Variants in RUSC2 observed in about 807,000 individuals in gnomAD.
RUSC2 encodes the protein AP-4 complex accessory subunit RUSC2.
Under a neutral mutation model 122.2 loss-of-function variants are expected in RUSC2, and 34 were observed. The ratio of observed to expected loss-of-function variants is 0.28; its 90% CI spans 0.21 to 0.37. The LOEUF (loss-of-function observed/expected upper bound fraction) is 0.37. Among genes scored for constraint, RUSC2 ranks in the 10% least tolerant of loss-of-function variants. The pLI is 1.00. For synonymous variants in RUSC2, 784 were observed against 790.0 expected (o/e 0.99, Z 0.13); for missense variants, 1,747 against 1,952.4 (o/e 0.89, Z 1.98).
At chr9:35,549,032 CA>C (rs1235517106) in intron 2 of RUSC2, 31,137 of 598,730 alleles carry the variant, frequency 0.052, no homozygotes, top group Non-Finnish European at 0.059. Flanking sequence ...GATTCTGTCT[CA>C]AAAAAAAAAA....
At chr9:35,540,693 C>CT (rs971844282) in intron 1 of RUSC2, among the ~76,000 whole-genome samples, 2 of 152,174 alleles carry the variant, frequency 1.3e-5, no homozygotes, top group Admixed American at 6.5e-5. Flanking sequence ...GGCCGGTAGA[C>CT]ATAACCTGTG....
At chr9:35,506,889 G>A (rs1451616695) in intron 1 of RUSC2, among the ~76,000 whole-genome samples, 1 of 152,148 alleles carries the variant, frequency 6.6e-6, no homozygotes, top group Non-Finnish European at 1.5e-5. Flanking sequence ...CCCAAGGCAG[G>A]AGGATCATTT....
chr9:35,524,827 C>T (rs1037312940), intron 1 of RUSC2, among the ~76,000 whole-genome samples: 36 of 152,042 alleles, frequency 2.4e-4, no homozygotes, highest in African/African-American at 4.8e-4. Context: ...AAAAATTAGC[C>T]GGGCGTGGTG....
chr9:35,551,377 T>C (rs898101175), intron 2 of RUSC2, among the ~76,000 whole-genome samples: 2 of 151,962 alleles, frequency 1.3e-5, no homozygotes, highest in Non-Finnish European at 2.9e-5. Flanking sequence ...TCACAGTCCA[T>C]CAGAAGACTT....
chr9:35,534,032 G>C (rs1280980622), intron 1 of RUSC2, among the ~76,000 whole-genome samples: 3 of 152,130 alleles, frequency 2.0e-5, no homozygotes, highest in Non-Finnish European at 2.9e-5. Context: ...GAAACTGCCA[G>C]AACTCTTTTC....
rs1372606926 is a variant in RUSC2 at position 35,546,386 on chromosome 9, C to T, written c.-92-44C>T. On this transcript the variant is annotated intron_variant, in intron 1 of 11. Transcript: ENST00000361226. The surrounding 1 kb of genome is among the most constrained non-coding windows in gnomAD (Gnocchi z 4.3). The stretch of plus-strand genomic sequence containing the variant: ...TAGGGAAGGGCATGCCCCTGACTTC[C>T]AGGGAGGTGACATTAGGTTCCCTTT... The T allele has an allele frequency of 1.8e-6, 1 of 542,606 alleles. No homozygotes were observed. The highest frequency in any genetic ancestry group is 1.9e-5 in the African/African-American group (1 of 51,734). 33.6% of individuals were successfully genotyped at this position (542,606 alleles called of 1,614,324 possible).
At position 35,556,102 on chromosome 9, in the gene RUSC2, T is replaced by A; in HGVS notation, c.2807T>A (p.Leu936His). Residue 936 changes from leucine to histidine, a missense_variant, in exon 4 of 12, where the codon CTC becomes CAC. By Grantham distance (99) the Leu-to-His change is moderately conservative (BLOSUM62 -3). Coordinates refer to ENST00000361226, the MANE Select transcript of RUSC2 (RefSeq NM_014806.5). ...RNPIFEFPGS[L>H]SAASHLNCRL... ...CCTATCTTTGAGTTCCCTGGCTCCC[T>A]CAGTGCTGCCAGCCATCTGAACTGC... is the stretch of plus-strand genomic sequence containing the variant. 6.2e-7 allele frequency: 1 copy of A among 1,614,172 alleles called. No individual in the cohort carries two copies. Among genetic ancestry groups the A allele is most frequent in the Non-Finnish European group, 8.5e-7 (1 of 1,180,030 alleles).
intron 1 of RUSC2, among the ~76,000 whole-genome samples, chr9:35,521,443 T>A (rs1320047610): frequency 6.6e-6 from 1 of 152,262 alleles, no homozygotes; most frequent in East Asian, 1.9e-4. Context: ...AAAGCAACTC[T>A]TTCAGCTCAG....
In RUSC2 at chr9:35,556,068, C is replaced by T. The variant is rs765514069; in HGVS notation, c.2773C>T (p.Arg925Ter). ...AAGATCACAAGAAGCTCGGCTGGCC[C>T]GAAGAAACCCTATCTTTGAGTTCCC... ...DRRSQEARLA[R>*]RNPIFEFPGS... Residue 925 changes from arginine (R) to a stop codon, truncating the protein, a stop_gained, in exon 4 of 12, where the codon CGA (arginine) becomes TGA (stop). Coordinates refer to ENST00000361226, the MANE Select transcript of RUSC2 (RefSeq NM_014806.5). LOFTEE classifies it high-confidence loss of function. 6.2e-7 allele frequency: 1 copy of T among 1,614,182 alleles called. No individual in the cohort carries two copies. The highest frequency in any genetic ancestry group is 1.7e-5 in the Admixed American group (1 of 60,022).
At chr9:35,491,763 AAC>A (rs1013559885) in intron 1 of RUSC2, among the ~76,000 whole-genome samples, 1 of 152,190 alleles carries the variant, frequency 6.6e-6, no homozygotes, top group African/African-American at 2.4e-5. Context: ...CAGCCTGGCC[AAC>A]ATGGTGAAAC....
intron 1 of RUSC2, among the ~76,000 whole-genome samples, chr9:35,506,731 C>G (rs538749200): frequency 4.5e-4 from 68 of 152,222 alleles, no homozygotes; most frequent in African/African-American, 1.6e-3. Context: ...GACTGGTTGA[C>G]TAGATAAAGC....
rs1821743907 is a variant in RUSC2 at position 35,546,344 on chromosome 9, T to C, written c.-92-86T>C. On this transcript the variant is annotated intron_variant, in intron 1 of 11. Transcript: ENST00000361226. This position sits in a 1 kb window ranked among gnomAD's most constrained non-coding sequence, Gnocchi z 4.3. ...AGCCTTTTCTCTTCCTGGGCTCTTC[T>C]CCATCTGAAAATGATGTAGGGAAGG... 2.4e-6 allele frequency: 1 copy of C among 411,554 alleles called. No homozygotes were observed. The highest frequency in any genetic ancestry group is 2.0e-5 in the African/African-American group (1 of 48,812). 25.5% of individuals were successfully genotyped at this position (411,554 alleles called of 1,614,324 possible).
At position 35,547,554 on chromosome 9, in the gene RUSC2, A is replaced by G. The variant is rs1821784596; in HGVS notation, c.1033A>G (p.Arg345Gly). Residue 345 changes from arginine (R) to glycine (G), a missense_variant, in exon 2 of 12, where the codon AGG (arginine) becomes GGG (glycine). By Grantham distance (125) the Arg-to-Gly change is moderately radical. Coordinates refer to ENST00000361226, the MANE Select transcript of RUSC2 (RefSeq NM_014806.5). The surrounding 1 kb of genome is among the most constrained non-coding windows in gnomAD (Gnocchi z 4.6). ...YESHHPESGGREGGYGCPHAS... is the reference protein window; with the variant it reads ...YESHHPESGGGEGGYGCPHAS... ...GTCCCATCACCCTGAAAGTGGAGGA[A>G]GGGAAGGGGGCTATGGTTGCCCTCA... The G allele has an allele frequency of 1.2e-6, 2 of 1,614,050 alleles. No individual in the cohort carries two copies. The highest frequency in any genetic ancestry group is 1.7e-6 in the Non-Finnish European group (2 of 1,180,020).
chr9:35,513,229 G>T (rs2132507726), intron 1 of RUSC2, among the ~76,000 whole-genome samples: 1 of 146,236 alleles, frequency 6.8e-6, no homozygotes, highest in East Asian at 1.9e-4. Context: ...TGTTGTTGTT[G>T]TTGCTTGAGA....
chr9:35,561,764 G>GC lies in RUSC2; in HGVS notation c.*388dup, dbSNP rs1439034199. On this transcript the variant is annotated 3_prime_UTR_variant, in exon 12 of 12. Coordinates refer to ENST00000361226, the MANE Select transcript of RUSC2 (RefSeq NM_014806.5). ...AACAGTATTGGGGCCAGATCCCTAA[G>GC]CCCCCCAGCTGTAAATAGGCTGTGG... 1 of 552,872 alleles carries GC rather than the reference G, an allele frequency of 1.8e-6. No homozygotes were observed. The highest frequency in any genetic ancestry group is 3.2e-6 in the Non-Finnish European group (1 of 314,004). 34.2% of individuals were successfully genotyped at this position (552,872 alleles called of 1,614,324 possible).
chr9:35,537,907 G>A (rs1273186041), intron 1 of RUSC2, among the ~76,000 whole-genome samples: 1 of 152,204 alleles, frequency 6.6e-6, no homozygotes, highest in Non-Finnish European at 1.5e-5. Flanking sequence ...GCTACTTCCT[G>A]TACAACTGGC....
In RUSC2 at chr9:35,503,706, T is replaced by C. The variant is rs534919937; in HGVS notation, c.-93+13534T>C. Among the ~76,000 whole-genome samples the C allele has an allele frequency of 5.3e-5, 4 of 75,288 alleles. No homozygotes were observed. The Admixed American group carries it at 5.6e-4, about 11-fold the overall frequency. The allele number at this position is 75,288 out of a possible 152,430, so 49.4% of individuals were successfully genotyped here. On this transcript the variant is annotated intron_variant, in intron 1 of 11. Transcript: ENST00000361226. The stretch of plus-strand genomic sequence containing the variant: ...CTGTTTTCCATAGTGGTTGTACCAG[T>C]TTACATTCCCAATAGCAGTGTATAA...
intron 1 of RUSC2, among the ~76,000 whole-genome samples, chr9:35,492,799 CTG>C (rs1157583365): frequency 2.0e-5 from 3 of 152,020 alleles, no homozygotes; most frequent in Non-Finnish European, 2.9e-5. Context: ...TCTTCCCAGA[CTG>C]AAACTCTGTA....
intron 1 of RUSC2, among the ~76,000 whole-genome samples, chr9:35,536,779 A>T (rs113481943): frequency 5.0e-4 from 68 of 134,668 alleles, no homozygotes; most frequent in Non-Finnish European, 7.5e-4. Flanking sequence ...GCGCCACTGC[A>T]CTCCAGCCTG....
Sources: gnomAD v4.1 joint callset for allele counts (sites outside exome capture counted in the v4.1 genomes callset) on GRCh38, gnomAD v4.1.1 for gene constraint, Gnocchi (gnomAD v3.1) non-coding constraint, MANE v1.5 for transcripts, NCBI Gene and HGNC (gene_info 2026-07-23, HGNC 2026-07-21) for gene names.